Variants in KCNH5 observed in about 807,000 individuals in gnomAD.
KCNH5 encodes the protein potassium voltage-gated channel subfamily H member 5, also known as voltage-gated delayed rectifier potassium channel KCNH5.
In KCNH5, 46 loss-of-function variants were observed where a neutral mutation model predicts 96.1. The ratio of observed to expected loss-of-function variants is 0.48; its 90% CI spans 0.38 to 0.61. KCNH5 has a LOEUF of 0.61. KCNH5 is among the 20% of genes least tolerant of loss of function. KCNH5 has a pLI of 0.00. For missense variants in KCNH5, 907 were observed against 1,225.8 expected (o/e 0.74, Z 3.88); for synonymous variants, 439 against 449.8 (o/e 0.98, Z 0.30).
At chr14:62,853,620 A>C (rs749782403) in intron 7 of KCNH5, among the ~76,000 whole-genome samples, 2 of 151,338 alleles carry the variant, frequency 1.3e-5, no homozygotes, top group Non-Finnish European at 2.9e-5. Flanking sequence ...AAACTAACTC[A>C]TTCTTCAGAG....
At chr14:62,901,556 T>C (rs967940165) in intron 7 of KCNH5, among the ~76,000 whole-genome samples, 1 of 152,212 alleles carries the variant, frequency 6.6e-6, no homozygotes, top group Non-Finnish European at 1.5e-5. Flanking sequence ...AAGAATATAA[T>C]TTCATTCTTT....
chr14:62,914,246 A>G (rs989374947), intron 7 of KCNH5, among the ~76,000 whole-genome samples: 1 of 152,166 alleles, frequency 6.6e-6, no homozygotes, highest in African/African-American at 2.4e-5. Flanking sequence ...TGTTGGCCTA[A>G]TGTAGTCTGA....
At chr14:62,758,624 G>T (rs978665629) in intron 10 of KCNH5, among the ~76,000 whole-genome samples, 1 of 152,138 alleles carries the variant, frequency 6.6e-6, no homozygotes, top group African/African-American at 2.4e-5. Flanking sequence ...ATCAGAAAAA[G>T]TCACTGAAGT....
intron 1 of KCNH5, among the ~76,000 whole-genome samples, chr14:63,022,761 A>G (rs1594679745): frequency 6.6e-6 from 1 of 152,112 alleles, no homozygotes. Flanking sequence ...TCATTTATTT[A>G]GATCTTAACT....
intron 8 of KCNH5, among the ~76,000 whole-genome samples, chr14:62,839,455 C>A (rs1294730895): frequency 5.3e-5 from 8 of 152,182 alleles, no homozygotes. Context: ...CCTGTGCCAT[C>A]TGTGCTGTCA....
At chr14:62,901,392 T>C (rs1302216605) in intron 7 of KCNH5, among the ~76,000 whole-genome samples, 2 of 152,026 alleles carry the variant, frequency 1.3e-5, no homozygotes, top group Non-Finnish European at 2.9e-5. Context: ...CTCCCCAAGC[T>C]AGTAGAACCC....
chr14:62,771,378 G>C lies in KCNH5; in HGVS notation c.2019+8350C>G, dbSNP rs530744784. ...GCGGTGGCTCACACCTGTAATCCCA[G>C]CACTTTGGGAGGCCGAGGTGGGCAG... is the stretch of plus-strand genomic sequence containing the variant. On this transcript the variant is annotated intron_variant, in intron 10 of 10. Coordinates refer to ENST00000322893, the MANE Select transcript of KCNH5 (RefSeq NM_139318.5). Among the ~76,000 whole-genome samples, 6 of 152,286 alleles carry C rather than the reference G, an allele frequency of 3.9e-5. No homozygotes were observed. In the East Asian group the frequency reaches 9.7e-4, roughly 25 times the overall value.
chr14:62,959,649 T>C (rs946255748), intron 6 of KCNH5, among the ~76,000 whole-genome samples: 3 of 152,168 alleles, frequency 2.0e-5, no homozygotes, highest in Non-Finnish European at 2.9e-5. Context: ...ATCATTATGG[T>C]GTCACTAGTA....
rs187330620 is a variant in KCNH5, at chr14:62,819,210, G to A, written c.1570-16629C>T. Among the ~76,000 whole-genome samples, 208 of 152,120 alleles carry A rather than the reference G, an allele frequency of 1.4e-3. 1 individual carries two copies. Among genetic ancestry groups the A allele is most frequent in the Non-Finnish European group, 9.7e-4 (66 of 67,980 alleles). On this transcript the variant is annotated intron_variant, in intron 8 of 10. Transcript: ENST00000322893. ...TCTCGATCTCCTGATCTCGTGATCCGCCCACCTCAGCCTCCCAAAGTGCTG... is the reference window on the plus strand; with the variant it reads ...TCTCGATCTCCTGATCTCGTGATCCACCCACCTCAGCCTCCCAAAGTGCTG...
chr14:62,973,593 T>C (rs1307594558), intron 6 of KCNH5, among the ~76,000 whole-genome samples: 1 of 152,162 alleles, frequency 6.6e-6, no homozygotes, highest in Non-Finnish European at 1.5e-5. Flanking sequence ...TGCCTTGGAC[T>C]TCCTAGTCTC....
chr14:62,779,268 A>T lies in KCNH5; in HGVS notation c.2019+460T>A, dbSNP rs147057614. Among the ~76,000 whole-genome samples the T allele has an allele frequency of 3.6e-4, 55 of 152,354 alleles. No individual in the cohort carries two copies. In the Middle Eastern group the frequency reaches 0.031, roughly 85 times the overall value. ...TCAATGTGGCTAATTAATTTTTGAGATAGCGTTCTTTGAAAGAGTAAACTT... is the reference window on the plus strand; with the variant it reads ...TCAATGTGGCTAATTAATTTTTGAGTTAGCGTTCTTTGAAAGAGTAAACTT... On this transcript the variant is annotated intron_variant, in intron 10 of 10. Coordinates refer to ENST00000322893, the MANE Select transcript of KCNH5 (RefSeq NM_139318.5).
intron 6 of KCNH5, among the ~76,000 whole-genome samples, chr14:62,959,943 T>C (rs535991781): frequency 6.6e-6 from 1 of 152,232 alleles, no homozygotes; most frequent in Non-Finnish European, 1.5e-5. Flanking sequence ...GAGTTACCTC[T>C]TCAAAATCAC....
chr14:62,880,147 G>A lies in KCNH5; in HGVS notation c.1370-30295C>T, dbSNP rs956443622. Among the ~76,000 whole-genome samples the A allele has an allele frequency of 2.1e-4, 32 of 152,064 alleles. 1 individual carries two copies. Among genetic ancestry groups the A allele is most frequent in the Admixed American group, 1.4e-3 (21 of 15,266 alleles). The stretch of plus-strand genomic sequence containing the variant: ...ATTTCATTTCAATTCCTACTTATGC[G>A]TTCATAGTCAAGGGCATTGCAACAG... On this transcript the variant is annotated intron_variant, in intron 7 of 10. Coordinates refer to ENST00000322893, the MANE Select transcript of KCNH5 (RefSeq NM_139318.5).
Position 62,797,539 on chromosome 14 carries a change from A to G in KCNH5, c.1822+4790T>C, listed in dbSNP as rs542112585. 4.4e-4 allele frequency among the ~76,000 whole-genome samples: 67 copies of G among 152,324 alleles called. 1 individual carries two copies. The highest frequency in any genetic ancestry group is 1.4e-3 in the Admixed American group (21 of 15,294). ...TAAACTGTGAAGCATTTGACTTCTA[A>G]CAGCAAGTGCACAGGAAGAAATATA... On this transcript the variant is annotated intron_variant, in intron 9 of 10. Coordinates refer to ENST00000322893, the MANE Select transcript of KCNH5 (RefSeq NM_139318.5).
chr14:62,722,362 A>G (rs1187916718), intron 10 of KCNH5, among the ~76,000 whole-genome samples: 1 of 152,206 alleles, frequency 6.6e-6, no homozygotes, highest in Non-Finnish European at 1.5e-5. Flanking sequence ...TCACTGTCTC[A>G]GTTAATTTTC....
At chr14:62,956,443 C>T (rs951759003) in intron 6 of KCNH5, among the ~76,000 whole-genome samples, 2 of 152,052 alleles carry the variant, frequency 1.3e-5, no homozygotes, top group African/African-American at 2.4e-5. Flanking sequence ...AGGTGGTTCA[C>T]TTTGTGAAAA....
intron 7 of KCNH5, among the ~76,000 whole-genome samples, chr14:62,924,398 G>A (rs1312691803): frequency 6.6e-6 from 1 of 151,960 alleles, no homozygotes; most frequent in Non-Finnish European, 1.5e-5. Flanking sequence ...AGCCATTATG[G>A]AAAACCGTAT....
At chr14:62,767,085 A>G (rs115450591) in intron 10 of KCNH5, among the ~76,000 whole-genome samples, 1 of 151,320 alleles carries the variant, frequency 6.6e-6, no homozygotes, top group Non-Finnish European at 1.5e-5. Flanking sequence ...CTCAACATCA[A>G]TAGTCATTAG....
At chr14:62,805,172 C>T (rs1169102870) in intron 8 of KCNH5, among the ~76,000 whole-genome samples, 1 of 152,060 alleles carries the variant, frequency 6.6e-6, no homozygotes, top group African/African-American at 2.4e-5. Flanking sequence ...CCACATAGGA[C>T]TTTCATTGTT....
Sources: allele counts gnomAD v4.1 joint callset (sites outside exome capture counted in the v4.1 genomes callset), GRCh38; gene constraint gnomAD v4.1.1; transcripts MANE v1.5; gene names NCBI Gene and HGNC (gene_info 2026-07-23, HGNC 2026-07-21).